Variants in NCKAP5 observed in about 807,000 individuals in gnomAD.
NCKAP5 encodes nck-associated protein 5.
Under a neutral mutation model 167.0 loss-of-function variants are expected in NCKAP5, and 92 were observed. The observed-to-expected ratio is 0.55, with a 90% CI of 0.47 to 0.66. NCKAP5 has a LOEUF of 0.66. NCKAP5 is among the 30% of genes least tolerant of loss of function. NCKAP5 has a pLI of 0.00. For synonymous variants in NCKAP5, 891 were observed against 877.4 expected (o/e 1.02, Z -0.27); for missense variants, 2,378 against 2,315.0 (o/e 1.03, Z -0.56).
chr2:133,316,137 A>T (rs1681594030), intron 3 of NCKAP5, among the ~76,000 whole-genome samples: 1 of 152,118 alleles, frequency 6.6e-6, no homozygotes, highest in Non-Finnish European at 1.5e-5. Context: ...TGGTCTCCCA[A>T]ACAGAATTTC....
chr2:133,580,742 G>A, the NCKAP5 span, among the ~76,000 whole-genome samples: 1 of 152,188 alleles, frequency 6.6e-6, no homozygotes, highest in South Asian at 2.1e-4. Context: ...GAACATTTGT[G>A]CATTTGTGGA....
At chr2:132,845,745 G>A (rs551175248) in intron 11 of NCKAP5, among the ~76,000 whole-genome samples, 8 of 152,104 alleles carry the variant, frequency 5.3e-5, no homozygotes, top group South Asian at 2.1e-4. Flanking sequence ...TATTTTCAAC[G>A]CTTACTTGGC....
intron 3 of NCKAP5, among the ~76,000 whole-genome samples, chr2:133,484,263 G>A (rs1310414921): frequency 6.6e-6 from 1 of 152,124 alleles, no homozygotes; most frequent in Non-Finnish European, 1.5e-5. Flanking sequence ...GAAAACTGGA[G>A]AGGACCAGCA....
intron 19 of NCKAP5, among the ~76,000 whole-genome samples, chr2:132,718,479 C>T (rs916022993): frequency 1.3e-5 from 2 of 152,204 alleles, no homozygotes; most frequent in Non-Finnish European, 1.5e-5. Flanking sequence ...AGGCACGGGA[C>T]TATTTAGACA....
chr2:133,392,132 G>A (rs1687453113), intron 3 of NCKAP5, among the ~76,000 whole-genome samples: 1 of 152,134 alleles, frequency 6.6e-6, no homozygotes, highest in Non-Finnish European at 1.5e-5. Flanking sequence ...GGCTGCATAT[G>A]GACACTTGGA....
chr2:133,087,925 C>G (rs1385894956), intron 6 of NCKAP5, among the ~76,000 whole-genome samples: 2 of 152,148 alleles, frequency 1.3e-5, no homozygotes, highest in African/African-American at 4.8e-5. Context: ...TGATCTCCTT[C>G]TTTACGGAGC....
rs554369347 is a variant in NCKAP5 at position 133,493,552 on chromosome 2, G to C, written c.69+23906C>G. On this transcript the variant is annotated intron_variant, in intron 3 of 19. Coordinates refer to ENST00000409261, the MANE Select transcript of NCKAP5 (RefSeq NM_207363.3). ...TCTCAAACACTGAGAACAGTGTCTG[G>C]CACATAGTATGTACTTAACAAATAT... Among the ~76,000 whole-genome samples the C allele has an allele frequency of 3.3e-5, 5 of 152,202 alleles. No homozygotes were observed. The South Asian group carries it at 1.0e-3, about 32-fold the overall frequency.
chr2:133,084,249 A>G (rs2080908199), intron 6 of NCKAP5, among the ~76,000 whole-genome samples: 1 of 152,234 alleles, frequency 6.6e-6, no homozygotes, highest in South Asian at 2.1e-4. Context: ...CAGTAAAGAA[A>G]ATGAAACAGA....
intron 7 of NCKAP5, among the ~76,000 whole-genome samples, chr2:132,976,103 T>C (rs1365256604): frequency 6.6e-6 from 1 of 152,142 alleles, no homozygotes; most frequent in East Asian, 1.9e-4. Flanking sequence ...TGGAGGACAT[T>C]ATGTTAAGTG....
intron 2 of NCKAP5, among the ~76,000 whole-genome samples, chr2:133,555,011 C>T (rs1687637936): frequency 6.6e-6 from 1 of 152,100 alleles, no homozygotes; most frequent in Non-Finnish European, 1.5e-5. Context: ...ATTTGGCCAC[C>T]TCCCTGTGGA....
At chr2:133,125,179 ATCTCC>A (rs2082364037) in intron 6 of NCKAP5, among the ~76,000 whole-genome samples, 1 of 151,632 alleles carries the variant, frequency 6.6e-6, no homozygotes, top group African/African-American at 2.4e-5. Flanking sequence ...AGAGTTGCTT[ATCTCC>A]TCACTTTATC....
At chr2:133,184,320 G>A (rs910972227) in intron 5 of NCKAP5, among the ~76,000 whole-genome samples, 1 of 152,170 alleles carries the variant, frequency 6.6e-6, no homozygotes, top group Non-Finnish European at 1.5e-5. Context: ...TGGTTGTGTA[G>A]TATTCTACGG....
chr2:133,186,352 TTTG>T (rs1199293424), intron 5 of NCKAP5, among the ~76,000 whole-genome samples: 1 of 152,060 alleles, frequency 6.6e-6, no homozygotes, highest in Admixed American at 6.6e-5. Flanking sequence ...CTGAATTTGG[TTTG>T]TTAATATTTT....
intron 3 of NCKAP5, among the ~76,000 whole-genome samples, chr2:133,397,703 C>A (rs1388876569): frequency 3.3e-5 from 5 of 152,140 alleles, no homozygotes; most frequent in Non-Finnish European, 7.4e-5. Context: ...TCATATTTAT[C>A]ATAATTCTTT....
intron 5 of NCKAP5, among the ~76,000 whole-genome samples, chr2:133,190,776 C>G (rs4954042): frequency 6.6e-6 from 1 of 152,038 alleles, no homozygotes; most frequent in Non-Finnish European, 1.5e-5. Flanking sequence ...TAATTCAAGA[C>G]GGACTAAAGA....
At chr2:133,043,790 A>G (rs1027064248) in intron 6 of NCKAP5, among the ~76,000 whole-genome samples, 2 of 151,990 alleles carry the variant, frequency 1.3e-5, no homozygotes, top group Non-Finnish European at 1.5e-5. Context: ...ACTTTGTTTC[A>G]TACTTTATTC....
intron 10 of NCKAP5, among the ~76,000 whole-genome samples, chr2:132,863,284 T>C (rs112245600): frequency 0.013 from 1,996 of 152,172 alleles, 37 homozygotes; most frequent in Non-Finnish European, 0.017. Context: ...ATATTAATAG[T>C]ACCTATTGGA....
At chr2:132,707,034 A>G (rs2105290867) in intron 19 of NCKAP5, among the ~76,000 whole-genome samples, 1 of 152,314 alleles carries the variant, frequency 6.6e-6, no homozygotes, top group Non-Finnish European at 1.5e-5. Context: ...ATCCACACAA[A>G]AAGACATCTT....
chr2:133,233,666 G>T (rs1210638760), intron 4 of NCKAP5, among the ~76,000 whole-genome samples: 1 of 152,048 alleles, frequency 6.6e-6, no homozygotes, highest in Non-Finnish European at 1.5e-5. Flanking sequence ...CTAGAGTTGG[G>T]AAAAAATAAA....
Sources: gnomAD v4.1 joint callset for allele counts (sites outside exome capture counted in the v4.1 genomes callset) on GRCh38, gnomAD v4.1.1 for gene constraint, MANE v1.5 for transcripts, NCBI Gene and HGNC (gene_info 2026-07-23, HGNC 2026-07-21) for gene names.